ALG14: variants seen among roughly 807,000 people sequenced by gnomAD.
ALG14 encodes the protein ALG14 UDP-N-acetylglucosaminyltransferase subunit, also known as UDP-N-acetylglucosamine transferase subunit ALG14.
Under a neutral mutation model 22.8 loss-of-function variants are expected in ALG14, and 17 were observed. The ratio of observed to expected loss-of-function variants is 0.75; its 90% CI spans 0.51 to 1.12. The LOEUF is 1.12. Among genes scored for constraint, ALG14 ranks in the 50% most tolerant of loss-of-function variants. The pLI, the probability that ALG14 is intolerant of heterozygous loss-of-function variation, is 0.00. For synonymous variants in ALG14, 89 were observed against 103.7 expected (o/e 0.86, Z 0.86); for missense variants, 288 against 271.8 (o/e 1.06, Z -0.42).
At chr1:95,053,968 C>T (rs934773585) in intron 2 of ALG14, among the ~76,000 whole-genome samples, 4 of 152,134 alleles carry the variant, frequency 2.6e-5, no homozygotes, top group African/African-American at 9.7e-5. Flanking sequence ...CTCACAATGT[C>T]AGATTAGAGT....
chr1:95,027,073 T>A, intron 3 of ALG14, 56 bp downstream of exon 3: 1 of 1,594,748 alleles, frequency 6.3e-7, no homozygotes, highest in Non-Finnish European at 8.6e-7. Context: ...GTCCTGTTAC[T>A]AACGAAAGAT....
At chr1:95,017,051 G>A (rs1673523536) in intron 3 of ALG14, among the ~76,000 whole-genome samples, 1 of 151,510 alleles carries the variant, frequency 6.6e-6, no homozygotes. Context: ...GACCAACTAT[G>A]TGAATCAGAC....
intron 2 of ALG14, among the ~76,000 whole-genome samples, chr1:95,059,593 C>T (rs1422347371): frequency 5.3e-5 from 8 of 151,366 alleles, no homozygotes; most frequent in South Asian, 4.2e-4. Context: ...GTTTTGAATC[C>T]GTTAATTATC....
At position 95,010,229 on chromosome 1, in the gene ALG14, A is replaced by G. The variant is rs368924094; in HGVS notation, c.420+16900T>C. ...CTTTATCTTCTGGAACAAACTTTAC[A>G]TAAGAAAGCTCCTCCTAACATTTAT... On this transcript the variant is annotated intron_variant, in intron 3 of 3. Coordinates refer to ENST00000370205, the MANE Select transcript of ALG14 (RefSeq NM_144988.4). Among the ~76,000 whole-genome samples the G allele has an allele frequency of 2.6e-5, 4 of 152,344 alleles. No homozygotes were observed. The South Asian group carries it at 8.3e-4, about 32-fold the overall frequency.
At position 95,054,251 on chromosome 1, in the gene ALG14, TG is replaced by T. The variant is rs760082488; in HGVS notation, c.288+10614del. On this transcript the variant is annotated intron_variant, in intron 2 of 3. Transcript: ENST00000370205. ...GGCCTGGTGGGAGATGACTGGATCA[TG>T]GGGGTAGAGTTCTCATGAATGGTTG... is the stretch of plus-strand genomic sequence containing the variant. Among the ~76,000 whole-genome samples the T allele has an allele frequency of 1.1e-3, 169 of 152,288 alleles. No homozygotes were observed. In the Middle Eastern group the frequency reaches 0.034, roughly 31 times the overall value.
chr1:95,069,147 T>A (rs188070991), intron 1 of ALG14, among the ~76,000 whole-genome samples: 1 of 152,316 alleles, frequency 6.6e-6, no homozygotes, highest in East Asian at 1.9e-4. Context: ...GTCAAGACAT[T>A]CTTTTGACAA....
At chr1:94,983,778 G>A (rs1215238500) in intron 3 of ALG14, 2 of 159,338 alleles carry the variant, frequency 1.3e-5, no homozygotes, top group African/African-American at 2.4e-5. Context: ...GTCTCGCTCT[G>A]TTGTCCAGGC....
rs1672512942 is a variant in ALG14 at position 94,982,230 on chromosome 1, A to G, written c.*846T>C. On this transcript the variant is annotated 3_prime_UTR_variant, in exon 4 of 4. Transcript: ENST00000370205. ...AGCCTCTGCCTCCCGGGTTCAAGCG[A>G]TTCTCCTGCCTCAGCCTCCCGAGTA... The G allele has an allele frequency of 1.3e-5, 2 of 150,224 alleles. No individual in the cohort carries two copies. The highest frequency in any genetic ancestry group is 4.9e-5 in the African/African-American group (2 of 40,510). The allele number at this position is 150,224 out of a possible 1,614,324, so 9.3% of individuals were successfully genotyped here.
chr1:95,058,870 T>C (rs1037536193), intron 2 of ALG14, among the ~76,000 whole-genome samples: 1 of 151,930 alleles, frequency 6.6e-6, no homozygotes, highest in Admixed American at 6.6e-5. Flanking sequence ...AAATCTACTC[T>C]ACAGTTTTTA....
At chr1:95,068,438 G>A (rs60405904) in intron 1 of ALG14, among the ~76,000 whole-genome samples, 6,970 of 151,914 alleles carry the variant, frequency 0.046, 210 homozygotes, top group South Asian at 0.083. Context: ...AGGCACCTGC[G>A]ACCATGCCCA....
At chr1:95,004,026 T>G (rs187405082) in intron 3 of ALG14, among the ~76,000 whole-genome samples, 2 of 152,226 alleles carry the variant, frequency 1.3e-5, no homozygotes, top group Admixed American at 1.3e-4. Flanking sequence ...ATTTCAAACT[T>G]TGTTTTAAAC....
Position 95,002,247 on chromosome 1 carries a change from G to T in ALG14, c.421-18941C>A, listed in dbSNP as rs12082888. Reference sequence around the variant, plus strand: ...TTGATAAAGCCCTGTAAGTACCTGGGGGGGGGAACCTGGAAGGTGGGGAGA... The same window carrying T: ...TTGATAAAGCCCTGTAAGTACCTGGTGGGGGGAACCTGGAAGGTGGGGAGA... On this transcript the variant is annotated intron_variant, in intron 3 of 3. Coordinates refer to ENST00000370205, the MANE Select transcript of ALG14 (RefSeq NM_144988.4). Among the ~76,000 whole-genome samples the T allele has an allele frequency of 4.3e-3, 650 of 152,132 alleles. 5 individuals carry two copies. The highest frequency in any genetic ancestry group is 7.0e-3 in the Non-Finnish European group (474 of 68,004).
At chr1:94,989,878 C>T (rs191492848) in intron 3 of ALG14, among the ~76,000 whole-genome samples, 1 of 152,236 alleles carries the variant, frequency 6.6e-6, no homozygotes, top group Non-Finnish European at 1.5e-5. Flanking sequence ...ATGGGAGGAA[C>T]AAAGATTTGA....
At chr1:95,010,766 A>G (rs1261016391) in intron 3 of ALG14, among the ~76,000 whole-genome samples, 1 of 152,222 alleles carries the variant, frequency 6.6e-6, no homozygotes, top group Admixed American at 6.5e-5. Flanking sequence ...AGAAAATACC[A>G]CAAAAATGAA....
chr1:95,053,106 C>T (rs1674807854), intron 2 of ALG14, among the ~76,000 whole-genome samples: 1 of 151,906 alleles, frequency 6.6e-6, no homozygotes, highest in Non-Finnish European at 1.5e-5. Context: ...AAGACAATTC[C>T]CAGTTCTGAA....
In ALG14 at chr1:94,983,089, C is replaced by T. The variant is rs755627570; in HGVS notation, c.638G>A (p.Gly213Glu). 4 of 1,614,058 alleles carry T rather than the reference C, an allele frequency of 2.5e-6. No homozygotes were observed. Among genetic ancestry groups the T allele is most frequent in the African/African-American group, 1.3e-5 (1 of 75,004 alleles). Residue 213 changes from glycine to glutamate, a missense_variant, in exon 4 of 4, where the codon GGG becomes GAG. Gly to Glu is a moderately conservative substitution (Grantham distance 98). Coordinates refer to ENST00000370205, the MANE Select transcript of ALG14 (RefSeq NM_144988.4). ...KEKYPKSVYL[G>E]RIV Reference sequence around the variant, plus strand: ...AGTTGCCATTTGTCAAACAATTCGCCCAAGGTACACCGATTTGGGATACTT... The same window carrying T: ...AGTTGCCATTTGTCAAACAATTCGCTCAAGGTACACCGATTTGGGATACTT...
rs553874908 is a variant in ALG14 at position 95,056,087 on chromosome 1, G to A, written c.288+8779C>T. ...AAGCTAAGGGAGTTTGGTACTGGGT[G>A]AGGGATAGACAAACAAACCAGTTAA... On this transcript the variant is annotated intron_variant, in intron 2 of 3. Transcript: ENST00000370205. Among the ~76,000 whole-genome samples the A allele has an allele frequency of 2.6e-5, 4 of 151,938 alleles. No individual in the cohort carries two copies. The East Asian group carries it at 5.8e-4, about 22-fold the overall frequency.
chr1:95,027,351 CT>C, intron 2 of ALG14, 91 bp from the exon 3 acceptor site: 1 of 1,456,700 alleles, frequency 6.9e-7, no homozygotes, highest in South Asian at 1.3e-5. Context: ...AACAGAAATG[CT>C]TTCTTTAATT....
intron 2 of ALG14, among the ~76,000 whole-genome samples, chr1:95,052,809 A>G (rs936206414): frequency 6.6e-6 from 1 of 151,126 alleles, no homozygotes; most frequent in African/African-American, 2.4e-5. Flanking sequence ...CTGAGACAAG[A>G]TCGCACCACT....
Sources: gnomAD v4.1 joint callset for allele counts (sites outside exome capture counted in the v4.1 genomes callset) on GRCh38, gnomAD v4.1.1 for gene constraint, MANE v1.5 for transcripts, NCBI Gene and HGNC (gene_info 2026-07-23, HGNC 2026-07-21) for gene names.